Variants in RP1 observed in about 807,000 individuals in gnomAD.
RP1 encodes RP1 axonemal microtubule associated.
A neutral mutation model predicts 14.8 loss-of-function variants in RP1; 16 were observed. The observed-to-expected ratio is 1.08, with a 90% CI of 0.73 to 1.65. The LOEUF (loss-of-function observed/expected upper bound fraction) is 1.65. Ranked by LOEUF, RP1 falls within the 40% of genes most tolerant of loss-of-function variation. The pLI, the probability that RP1 is intolerant of heterozygous loss-of-function variation, is 0.00. For missense variants in RP1, 2,631 were observed against 2,535.0 expected (o/e 1.04, Z -0.81); for synonymous variants, 876 against 883.6 (o/e 0.99, Z 0.15).
At chr8:54,691,379 A>G (rs1807704700) in intron 12 of RP1, among the ~76,000 whole-genome samples, 1 of 152,082 alleles carries the variant, frequency 6.6e-6, no homozygotes, top group Non-Finnish European at 1.5e-5. Context: ...TCATTGAGTC[A>G]CTAACTGAAG....
chr8:54,770,445 T>C (rs1809873694), downstream of RP1, among the ~76,000 whole-genome samples: 3 of 151,242 alleles, frequency 2.0e-5, no homozygotes, highest in Admixed American at 1.3e-4. Context: ...TTATATTAAC[T>C]TCTTTTTTTT....
chr8:54,805,330 A>G (rs1479189557), intron 24 of RP1, among the ~76,000 whole-genome samples: 6 of 152,180 alleles, frequency 3.9e-5, no homozygotes, highest in Non-Finnish European at 5.9e-5. Context: ...TTCAGATGAA[A>G]TGTGTATATT....
intron 15 of RP1, among the ~76,000 whole-genome samples, chr8:54,715,844 G>A (rs1808392256): frequency 6.6e-6 from 1 of 152,202 alleles, no homozygotes; most frequent in Non-Finnish European, 1.5e-5. Context: ...ACTAAGACAT[G>A]CTCCCTGCTC....
At chr8:54,812,770 T>TATCTATCTATC (rs1381168289) in intron 24 of RP1, among the ~76,000 whole-genome samples, 1 of 140,902 alleles carries the variant, frequency 7.1e-6, no homozygotes, top group Non-Finnish European at 1.6e-5. Flanking sequence ...ATCATCTATC[T>TATCTATCTATC]ATCTATCTAT....
intron 1 of RP1, among the ~76,000 whole-genome samples, chr8:54,609,794 C>T (rs983557282): frequency 2.6e-5 from 4 of 152,176 alleles, no homozygotes; most frequent in African/African-American, 9.7e-5. Flanking sequence ...ATGGCCTTCT[C>T]CTTAATCCCT....
rs532758866 is a variant in RP1, at chr8:54,602,865, C to G, written c.-12-18090C>G. On this transcript the variant is annotated intron_variant, in intron 1 of 22. Transcript: ENST00000636932. ...GAGAAGTGTCTGTTCATATCCTTTGCCCACTTGTTGATGGGGTTGTTTGTT... is the reference window on the plus strand; with the variant it reads ...GAGAAGTGTCTGTTCATATCCTTTGGCCACTTGTTGATGGGGTTGTTTGTT... Among the ~76,000 whole-genome samples, 8 of 152,238 alleles carry G rather than the reference C, an allele frequency of 5.3e-5. No individual in the cohort carries two copies. In the South Asian group the frequency reaches 1.5e-3, roughly 28 times the overall value.
At chr8:54,632,089 G>T (rs910568416), downstream of RP1, among the ~76,000 whole-genome samples, 1 of 151,988 alleles carries the variant, frequency 6.6e-6, no homozygotes, top group African/African-American at 2.4e-5. Context: ...TGATCCGCCC[G>T]CCTCGGCCTC....
intron 1 of RP1, among the ~76,000 whole-genome samples, chr8:54,566,873 AAGTT>A (rs1804420240): frequency 6.6e-6 from 1 of 152,216 alleles, no homozygotes; most frequent in Non-Finnish European, 1.5e-5. Flanking sequence ...AAAGTGTGCT[AAGTT>A]AGACATCACT....
chr8:54,658,602 C>A (rs969454717), intron 6 of RP1, among the ~76,000 whole-genome samples: 1 of 150,316 alleles, frequency 6.7e-6, no homozygotes, highest in Non-Finnish European at 1.5e-5. Flanking sequence ...TATGTATATA[C>A]CACAATTTAT....
chr8:54,667,893 G>A (rs573926149), intron 7 of RP1, among the ~76,000 whole-genome samples: 7 of 152,088 alleles, frequency 4.6e-5, no homozygotes, highest in Admixed American at 2.0e-4. Context: ...ATTCAAAGCC[G>A]AATTCTACCA....
chr8:54,856,939 T>G (rs953289946), intron 26 of RP1: 23 of 369,704 alleles, frequency 6.2e-5, no homozygotes, highest in African/African-American at 4.4e-4. Flanking sequence ...TATAGTATAG[T>G]AACAATATAG....
intron 5 of RP1, among the ~76,000 whole-genome samples, chr8:54,653,168 G>A (rs545473176): frequency 6.6e-6 from 1 of 152,294 alleles, no homozygotes; most frequent in East Asian, 1.9e-4. Flanking sequence ...CTAGCTGTAT[G>A]TTATTTGCTT....
At chr8:54,609,446 C>A (rs1805538920) in intron 1 of RP1, among the ~76,000 whole-genome samples, 1 of 152,102 alleles carries the variant, frequency 6.6e-6, no homozygotes, top group African/African-American at 2.4e-5. Context: ...AGAGCAAAAC[C>A]TTGTCTTAAA....
At chr8:54,571,973 G>A (rs1804533713) in intron 1 of RP1, among the ~76,000 whole-genome samples, 1 of 152,208 alleles carries the variant, frequency 6.6e-6, no homozygotes, top group African/African-American at 2.4e-5. Context: ...TTGCAGATAA[G>A]GTCACATTCA....
chr8:54,706,354 A>G, intron 14 of RP1: 6 of 1,294,608 alleles, frequency 4.6e-6, no homozygotes, highest in Non-Finnish European at 6.4e-6. Flanking sequence ...CTATGGCTTC[A>G]GTAAGAGAAT....
intron 24 of RP1, among the ~76,000 whole-genome samples, chr8:54,799,535 A>G (rs1447965423): frequency 6.6e-6 from 1 of 151,868 alleles, no homozygotes; most frequent in Admixed American, 6.6e-5. Flanking sequence ...GTTGTTTTCT[A>G]TTTGTTCTTC....
intron 24 of RP1, among the ~76,000 whole-genome samples, chr8:54,831,033 A>G (rs770123658): frequency 1.3e-5 from 2 of 152,060 alleles, no homozygotes; most frequent in African/African-American, 4.8e-5. Flanking sequence ...ATACATCCGT[A>G]CTTCACTTCT....
intron 1 of RP1, among the ~76,000 whole-genome samples, chr8:54,601,771 A>G (rs1250694960): frequency 6.6e-6 from 1 of 152,210 alleles, no homozygotes; most frequent in Non-Finnish European, 1.5e-5. Flanking sequence ...AAGTACTAAT[A>G]TATGCTACTA....
intron 1 of RP1, among the ~76,000 whole-genome samples, chr8:54,572,116 A>G (rs73679483): frequency 0.054 from 8,147 of 152,216 alleles, 698 homozygotes; most frequent in African/African-American, 0.18. Flanking sequence ...GGGTCATGCT[A>G]TTTTCCCAGG....
Sources: gnomAD v4.1 joint callset for allele counts (sites outside exome capture counted in the v4.1 genomes callset) on GRCh38, gnomAD v4.1.1 for gene constraint, MANE v1.5 for transcripts, NCBI Gene and HGNC (gene_info 2026-07-23, HGNC 2026-07-21) for gene names.